Variants in SRGAP2B observed in about 807,000 individuals in gnomAD.
The protein encoded by SRGAP2B is SLIT-ROBO Rho GTPase activating protein 2B.
Under a neutral mutation model 22.2 loss-of-function variants are expected in SRGAP2B, and 9 were observed. That is an observed-to-expected ratio of 0.41 (90% confidence interval 0.24 to 0.71). SRGAP2B has a LOEUF of 0.71. Among genes scored for constraint, SRGAP2B ranks in the 30% least tolerant of loss-of-function variants. The pLI is 0.35. For synonymous variants in SRGAP2B, 36 were observed against 87.4 expected, an observed-to-expected ratio of 0.41 and a Z score of 3.28; for missense variants, 114 against 235.8, an observed-to-expected ratio of 0.48 and a Z score of 3.38.
intron 4 of SRGAP2B, among the ~76,000 whole-genome samples, chr1:144,933,158 G>A (rs1352967766): frequency 4.0e-5 from 6 of 149,902 alleles, no homozygotes; most frequent in Non-Finnish European, 7.4e-5. Flanking sequence ...TGCATTTGAG[G>A]AGGGCATGAG....
intron 3 of SRGAP2B, among the ~76,000 whole-genome samples, chr1:144,987,879 G>A (rs1553616282): frequency 6.6e-6 from 1 of 150,960 alleles, no homozygotes. Flanking sequence ...TTGAGGCATT[G>A]AGAAGTAGAG....
chr1:144,889,247 A>G (rs1242868981), exon 10 of SRGAP2B: 1 of 148,914 alleles, frequency 6.7e-6, no homozygotes, highest in East Asian at 1.9e-4. Flanking sequence ...GAGCTGCCAT[A>G]TCTGGCCTAT....
At chr1:144,959,187 G>A (rs1215780428) in intron 3 of SRGAP2B, among the ~76,000 whole-genome samples, 7 of 150,152 alleles carry the variant, frequency 4.7e-5, no homozygotes, top group South Asian at 4.2e-4. Context: ...ATGTGAGACC[G>A]TGGTTGGGTA....
chr1:144,909,260 G>A (rs1229340541), intron 5 of SRGAP2B, among the ~76,000 whole-genome samples: 1 of 146,592 alleles, frequency 6.8e-6, no homozygotes, highest in Non-Finnish European at 1.5e-5. Context: ...GTGGGATGAA[G>A]GTAGAGCTAA....
rs1671634525 is a variant in SRGAP2B, at chr1:145,006,888, C to T, written c.68-11688G>A. Among the ~76,000 whole-genome samples, 3 of 150,764 alleles carry T rather than the reference C, an allele frequency of 2.0e-5. 1 individual carries two copies. Among genetic ancestry groups the T allele is most frequent in the African/African-American group, 7.4e-5 (3 of 40,284 alleles). On this transcript the variant is annotated intron_variant, in intron 2 of 9. Transcript: ENST00000612199. ...CCAGGGAGATTAGTTCACAGCAAAG[C>T]TGAGTGATTAAGAGGATAGACCGCA...
intron 2 of SRGAP2B, among the ~76,000 whole-genome samples, chr1:144,997,311 G>T (rs1307182258): frequency 6.6e-6 from 1 of 150,804 alleles, no homozygotes; most frequent in Non-Finnish European, 1.5e-5. Context: ...GGTGCCTGTG[G>T]TCCCAGCTAC....
intron 3 of SRGAP2B, among the ~76,000 whole-genome samples, chr1:144,975,934 C>A (rs1553614109): frequency 7.4e-6 from 1 of 135,406 alleles, no homozygotes; most frequent in Non-Finnish European, 1.5e-5. Flanking sequence ...AGTGCAGTGG[C>A]ACGATCTCGG....
At chr1:145,023,099 G>C (rs587618622) in intron 2 of SRGAP2B, among the ~76,000 whole-genome samples, 1 of 148,922 alleles carries the variant, frequency 6.7e-6, no homozygotes, top group Admixed American at 6.7e-5. Flanking sequence ...CGGGAGAGGC[G>C]GAGGTTGCAG....
intron 3 of SRGAP2B, among the ~76,000 whole-genome samples, chr1:144,986,967 C>G (rs587661586): frequency 4.0e-5 from 6 of 150,974 alleles, no homozygotes; most frequent in Non-Finnish European, 8.8e-5. Flanking sequence ...CCTTTCCCAT[C>G]TTTTCACCTT....
At chr1:144,959,200 G>A (rs868950011) in intron 3 of SRGAP2B, among the ~76,000 whole-genome samples, 6 of 149,936 alleles carry the variant, frequency 4.0e-5, no homozygotes, top group East Asian at 3.9e-4. Context: ...GTTGGGTAGC[G>A]AAAATCAACA....
At chr1:144,984,365 C>CAAAA (rs57268593) in intron 3 of SRGAP2B, among the ~76,000 whole-genome samples, 7,019 of 125,730 alleles carry the variant, frequency 0.056, 410 homozygotes, top group Non-Finnish European at 0.081. Context: ...ACAACAACAA[C>CAAAA]AAAAAAAAAA....
chr1:144,976,043 T>A (rs1553614135), intron 3 of SRGAP2B, among the ~76,000 whole-genome samples: 2 of 149,154 alleles, frequency 1.3e-5, no homozygotes, highest in Non-Finnish European at 3.0e-5. Flanking sequence ...CCGGCTAATT[T>A]TTTTTTTTTG....
chr1:144,975,724 C>G (rs1204221872), intron 3 of SRGAP2B, among the ~76,000 whole-genome samples: 2 of 149,770 alleles, frequency 1.3e-5, no homozygotes, highest in Non-Finnish European at 2.9e-5. Context: ...CGACATAAAA[C>G]AGACTAAGAT....
At chr1:145,006,066 C>T (rs1671567440) in intron 2 of SRGAP2B, among the ~76,000 whole-genome samples, 1 of 150,840 alleles carries the variant, frequency 6.6e-6, no homozygotes, top group Non-Finnish European at 1.5e-5. Flanking sequence ...TGTTGATGCA[C>T]CAGCCTGACA....
intron 2 of SRGAP2B, among the ~76,000 whole-genome samples, chr1:144,998,918 G>A (rs1461750814): frequency 6.6e-6 from 1 of 150,904 alleles, no homozygotes; most frequent in Non-Finnish European, 1.5e-5. Context: ...GGAAACAATG[G>A]GCCACTGAAT....
chr1:144,970,293 T>G (rs1322175253), intron 3 of SRGAP2B, among the ~76,000 whole-genome samples: 3 of 91,952 alleles, frequency 3.3e-5, no homozygotes, highest in African/African-American at 1.4e-4. Flanking sequence ...GTGGCACATA[T>G]ACACCATGGA....
rs587656022 is a variant in SRGAP2B at position 145,089,247 on chromosome 1, T to A, written c.67+3588A>T. Among the ~76,000 whole-genome samples, 24 of 150,812 alleles carry A rather than the reference T, an allele frequency of 1.6e-4. 1 individual carries two copies. Among genetic ancestry groups the A allele is most frequent in the South Asian group, 2.1e-4 (1 of 4,778 alleles). Reference sequence around the variant, plus strand: ...AGCTATGTAAAAAGACTAAGAATATTATTGCTTTCAAGTCAGACATTGAGA... The same window carrying A: ...AGCTATGTAAAAAGACTAAGAATATAATTGCTTTCAAGTCAGACATTGAGA... On this transcript the variant is annotated intron_variant, in intron 2 of 9. Transcript: ENST00000612199.
chr1:145,045,061 A>G (rs1462091407), intron 2 of SRGAP2B, among the ~76,000 whole-genome samples: 2 of 145,290 alleles, frequency 1.4e-5, no homozygotes, highest in Middle Eastern at 3.2e-3. Flanking sequence ...CATAATTTAA[A>G]ACAAAAAAAA....
chr1:145,065,427 TC>T (rs1651391201), intron 2 of SRGAP2B, among the ~76,000 whole-genome samples: 1 of 146,588 alleles, frequency 6.8e-6, no homozygotes, highest in Admixed American at 6.8e-5. Flanking sequence ...CTCCCACCCC[TC>T]CCCAGCAGCA....
Sources: gnomAD v4.1 joint callset for allele counts (sites outside exome capture counted in the v4.1 genomes callset) on GRCh38, gnomAD v4.1.1 for gene constraint, MANE v1.5 for transcripts, NCBI Gene and HGNC (gene_info 2026-07-23, HGNC 2026-07-21) for gene names.